CHCHD6: variants seen among roughly 807,000 people sequenced by gnomAD.
CHCHD6 encodes the protein MICOS complex subunit MIC25.
Under a neutral mutation model 32.3 loss-of-function variants are expected in CHCHD6, and 28 were observed. That is an observed-to-expected ratio of 0.87 (90% CI 0.64 to 1.19). CHCHD6 has a LOEUF of 1.19. Ranked by LOEUF, CHCHD6 falls within the 50% of genes most tolerant of loss-of-function variation. CHCHD6 has a pLI of 0.00. For missense variants in CHCHD6, 333 were observed against 307.0 expected (o/e 1.08, Z -0.63); for synonymous variants, 122 against 117.5 (o/e 1.04, Z -0.25).
intron 5 of CHCHD6, among the ~76,000 whole-genome samples, chr3:126,856,239 C>T (rs906384044): frequency 6.6e-6 from 1 of 152,240 alleles, no homozygotes; most frequent in Non-Finnish European, 1.5e-5. Flanking sequence ...GCCCCTGGCC[C>T]ATGGGTTGGA....
intron 4 of CHCHD6, among the ~76,000 whole-genome samples, chr3:126,745,420 T>C (rs1300245449): frequency 2.2e-4 from 34 of 152,198 alleles, no homozygotes. Context: ...TTTCATAATA[T>C]GTGAGCAAAG....
intron 4 of CHCHD6, among the ~76,000 whole-genome samples, chr3:126,800,371 T>C (rs1232049011): frequency 6.6e-6 from 1 of 151,954 alleles, no homozygotes; most frequent in Non-Finnish European, 1.5e-5. Flanking sequence ...AGGTGGATGG[T>C]TGGTGGGTAA....
intron 1 of CHCHD6, among the ~76,000 whole-genome samples, chr3:126,707,195 G>A (rs531865557): frequency 9.9e-5 from 15 of 152,038 alleles, no homozygotes; most frequent in African/African-American, 3.4e-4. Context: ...GAACCCAGGA[G>A]GGGGAGGTTG....
intron 1 of CHCHD6, among the ~76,000 whole-genome samples, chr3:126,705,977 GTTGTATAGTT>G (rs1315561761): frequency 6.6e-6 from 1 of 152,200 alleles, no homozygotes; most frequent in East Asian, 1.9e-4. Context: ...CTTGCTAGGC[GTTGTATAGTT>G]TTGTGGACCT....
At chr3:126,871,856 G>A (rs912124287) in intron 5 of CHCHD6, among the ~76,000 whole-genome samples, 3 of 151,696 alleles carry the variant, frequency 2.0e-5, no homozygotes, top group Admixed American at 6.6e-5. Flanking sequence ...TAGCAGAGAC[G>A]GGGTTTCACC....
intron 1 of CHCHD6, among the ~76,000 whole-genome samples, chr3:126,724,223 CAT>C (rs1238988245): frequency 1.3e-5 from 2 of 152,148 alleles, no homozygotes; most frequent in Non-Finnish European, 2.9e-5. Flanking sequence ...CTGAGAAGCA[CAT>C]GTGTGTTGTC....
intron 5 of CHCHD6, among the ~76,000 whole-genome samples, chr3:126,892,953 GTTGTT>G (rs199872466): frequency 0.049 from 7,385 of 151,674 alleles, 231 homozygotes; most frequent in Non-Finnish European, 0.068. Flanking sequence ...TGTTGTTGTT[GTTGTT>G]TTGTTTTGTT....
intron 4 of CHCHD6, among the ~76,000 whole-genome samples, chr3:126,781,222 C>T (rs1014457787): frequency 2.6e-5 from 4 of 152,116 alleles, no homozygotes; most frequent in Non-Finnish European, 5.9e-5. Context: ...GCTGCTAGGG[C>T]GCCAATGAAC....
intron 1 of CHCHD6, among the ~76,000 whole-genome samples, chr3:126,705,339 G>A (rs980413083): frequency 2.0e-5 from 3 of 152,172 alleles, no homozygotes; most frequent in Admixed American, 6.5e-5. Flanking sequence ...CTGTCTGATT[G>A]AAGACTGTCC....
Position 126,833,782 on chromosome 3 carries a change from G to A in CHCHD6, c.412-18865G>A, listed in dbSNP as rs1161631424. On this transcript the variant is annotated intron_variant, in intron 4 of 7. Coordinates refer to ENST00000290913, the MANE Select transcript of CHCHD6 (RefSeq NM_032343.3). ...AGAATTACCAATAACGTGGCCGGGCGCGGTGGCTCACGCCTGTAATCCCAG... is the reference window on the plus strand; with the variant it reads ...AGAATTACCAATAACGTGGCCGGGCACGGTGGCTCACGCCTGTAATCCCAG... Among the ~76,000 whole-genome samples, 5 of 152,148 alleles carry A rather than the reference G, an allele frequency of 3.3e-5. No homozygotes were observed. The East Asian group carries it at 5.8e-4, about 18-fold the overall frequency.
At chr3:126,912,371 C>T (rs577784520) in intron 5 of CHCHD6, among the ~76,000 whole-genome samples, 43 of 152,098 alleles carry the variant, frequency 2.8e-4, no homozygotes, top group African/African-American at 1.0e-3. Context: ...CTGGACTGGT[C>T]GAGGCAAAGA....
intron 5 of CHCHD6, among the ~76,000 whole-genome samples, chr3:126,905,374 T>C (rs1235176704): frequency 6.6e-6 from 1 of 152,172 alleles, no homozygotes; most frequent in Non-Finnish European, 1.5e-5. Flanking sequence ...TCTCAAAGCA[T>C]GAACAGGAGT....
intron 6 of CHCHD6, among the ~76,000 whole-genome samples, chr3:126,917,009 C>G (rs1441140725): frequency 2.6e-5 from 4 of 152,218 alleles, no homozygotes; most frequent in African/African-American, 7.2e-5. Context: ...AGTGGCCCAC[C>G]ATCATGAGGG....
At chr3:126,791,569 A>C (rs1576421096) in intron 4 of CHCHD6, among the ~76,000 whole-genome samples, 1 of 152,192 alleles carries the variant, frequency 6.6e-6, no homozygotes. Context: ...GTTGGATCTC[A>C]AACTGCTGTG....
At chr3:126,840,898 AT>A (rs536994626) in intron 4 of CHCHD6, among the ~76,000 whole-genome samples, 2,098 of 148,826 alleles carry the variant, frequency 0.014, 28 homozygotes, top group Middle Eastern at 0.048. Context: ...TTTTTAATTT[AT>A]TTTTTTTATT....
At chr3:126,920,193 A>G (rs978292747) in intron 6 of CHCHD6, among the ~76,000 whole-genome samples, 48 of 147,866 alleles carry the variant, frequency 3.2e-4, no homozygotes, top group African/African-American at 1.1e-3. Context: ...TTTAATTCTA[A>G]AAGTTCTATT....
rs144780245 is a variant in CHCHD6 at position 126,957,975 on chromosome 3, T to C, written c.702+424T>C. Reference sequence around the variant, plus strand: ...CATCTGGAAGAGGAGTGGGAGCAGATGTGGCCATCAGAAGCTGCTCACAGC... The same window carrying C: ...CATCTGGAAGAGGAGTGGGAGCAGACGTGGCCATCAGAAGCTGCTCACAGC... On this transcript the variant is annotated intron_variant, in intron 7 of 7. Coordinates refer to ENST00000290913, the MANE Select transcript of CHCHD6 (RefSeq NM_032343.3). The C allele has an allele frequency of 3.5e-3, 1,082 of 311,032 alleles. 9 individuals carry two copies. The highest frequency in any genetic ancestry group is 0.022 in the African/African-American group (1,020 of 46,566). 19.3% of individuals were successfully genotyped at this position (311,032 alleles called of 1,614,324 possible). A position where few individuals can be genotyped will look rare whatever the true frequency, so the allele number is the denominator to read the frequency against.
At chr3:126,718,318 T>C (rs754459240) in intron 1 of CHCHD6, among the ~76,000 whole-genome samples, 10 of 152,256 alleles carry the variant, frequency 6.6e-5, no homozygotes, top group Non-Finnish European at 1.5e-5. Flanking sequence ...CTTTGCAGTT[T>C]TCACTTAATA....
chr3:126,861,667 A>G (rs1427500531), intron 5 of CHCHD6, among the ~76,000 whole-genome samples: 12 of 133,446 alleles, frequency 9.0e-5, no homozygotes, highest in African/African-American at 3.4e-4. Flanking sequence ...CTCCTCTACC[A>G]TCACCACCTT....
Sources: gnomAD v4.1 joint callset for allele counts (sites outside exome capture counted in the v4.1 genomes callset) on GRCh38, gnomAD v4.1.1 for gene constraint, MANE v1.5 for transcripts, NCBI Gene and HGNC (gene_info 2026-07-23, HGNC 2026-07-21) for gene names.